The following GSE1 variants were observed in gnomAD, a reference collection of about 807,000 sequenced individuals.
The protein encoded by GSE1 is genetic suppressor element 1.
In GSE1, 32 loss-of-function variants were observed where a neutral mutation model predicts 112.6. The ratio of observed to expected loss-of-function variants is 0.28; its 90% confidence interval spans 0.21 to 0.38. GSE1 has a LOEUF of 0.38. Ranked by LOEUF, GSE1 falls within the 10% of genes least tolerant of loss-of-function variation. The pLI, the probability that GSE1 is intolerant of heterozygous loss-of-function variation, is 1.00. For missense variants in GSE1, 2,348 were observed against 1,699.2 expected (o/e 1.38, Z -6.71); for synonymous variants, 1,115 against 735.6 (o/e 1.52, Z -8.35).
intron 2 of GSE1, among the ~76,000 whole-genome samples, chr16:85,451,186 G>A (rs2049669853): frequency 1.3e-5 from 2 of 151,218 alleles, no homozygotes; most frequent in African/African-American, 4.9e-5. Context: ...ATCATATACA[G>A]CAAAACCACC....
At chr16:85,371,533 G>A (rs2047301176) in intron 2 of GSE1, among the ~76,000 whole-genome samples, 1 of 152,176 alleles carries the variant, frequency 6.6e-6, no homozygotes, top group South Asian at 2.1e-4. Flanking sequence ...GTGCCCAGGC[G>A]CAGGCGTTAG....
intron 2 of GSE1, among the ~76,000 whole-genome samples, chr16:85,501,071 G>T (rs2051350531): frequency 1.5e-5 from 2 of 136,320 alleles, no homozygotes; most frequent in African/African-American, 2.8e-5. Flanking sequence ...CACGATCTCG[G>T]CTCACTGCAA....
At chr16:85,629,822 G>A (rs943080530) in intron 1 of GSE1, among the ~76,000 whole-genome samples, 2 of 152,192 alleles carry the variant, frequency 1.3e-5, no homozygotes, top group Non-Finnish European at 2.9e-5. Flanking sequence ...GGATTGAGGG[G>A]GCGGCCTGGA....
chr16:85,408,714 G>C (rs1224130968), intron 2 of GSE1, among the ~76,000 whole-genome samples: 1 of 62,726 alleles, frequency 1.6e-5, no homozygotes, highest in Non-Finnish European at 3.1e-5. Context: ...GTTACACTCA[G>C]GGCACCTGGA....
At chr16:85,649,446 GT>G (rs1253651344) in intron 3 of GSE1, among the ~76,000 whole-genome samples, 1 of 152,222 alleles carries the variant, frequency 6.6e-6, no homozygotes, top group Non-Finnish European at 1.5e-5. Flanking sequence ...TGGGTTTTGT[GT>G]TTCTGTCTTA....
At chr16:85,243,670 G>A (rs1417668039) in intron 1 of GSE1, among the ~76,000 whole-genome samples, 2 of 152,204 alleles carry the variant, frequency 1.3e-5, no homozygotes, top group Admixed American at 6.5e-5. Flanking sequence ...TGTCTGGTGC[G>A]CCGTGGTTTG....
At chr16:85,627,366 C>T (rs999610983) in intron 1 of GSE1, among the ~76,000 whole-genome samples, 3 of 152,020 alleles carry the variant, frequency 2.0e-5, no homozygotes, top group Non-Finnish European at 4.4e-5. Context: ...TGGGTTCTTT[C>T]TGAAAGGGTC....
chr16:85,563,432 GGTTGGCGCTGGTC>G (rs2045611213), intron 1 of GSE1, among the ~76,000 whole-genome samples: 1 of 152,208 alleles, frequency 6.6e-6, no homozygotes, highest in African/African-American at 2.4e-5. Context: ...CCGCAGCTGG[GGTTGGCGCTGGTC>G]GTTACCCTCA....
chr16:85,663,990 G>T (rs184699675), intron 11 of GSE1, among the ~76,000 whole-genome samples: 1 of 152,392 alleles, frequency 6.6e-6, no homozygotes, highest in East Asian at 1.9e-4. Flanking sequence ...CGCTTAGGTG[G>T]TCTGCTGGGT....
At chr16:85,376,906 ACACC>A (rs2047433175) in intron 2 of GSE1, among the ~76,000 whole-genome samples, 1 of 152,218 alleles carries the variant, frequency 6.6e-6, no homozygotes, top group Non-Finnish European at 1.5e-5. Flanking sequence ...CGCACACCGC[ACACC>A]CGGCCCCGCG....
chr16:85,467,820 A>T (rs1340077592), intron 2 of GSE1, among the ~76,000 whole-genome samples: 5 of 152,188 alleles, frequency 3.3e-5, no homozygotes, highest in African/African-American at 1.2e-4. Context: ...ACTGCCACAT[A>T]CCTGCTAGGG....
intron 2 of GSE1, chr16:85,462,983 T>C: frequency 2.6e-6 from 1 of 391,956 alleles, no homozygotes; most frequent in Non-Finnish European, 3.5e-6. Context: ...GCCCGTCTTC[T>C]GCCGCCCCGT....
chr16:85,357,982 AG>A (rs2046986566), intron 2 of GSE1, among the ~76,000 whole-genome samples: 1 of 151,940 alleles, frequency 6.6e-6, no homozygotes, highest in African/African-American at 2.4e-5. Flanking sequence ...TTGAGCCCAG[AG>A]GGGGTCGTTT....
chr16:85,249,934 T>A lies in GSE1; in HGVS notation c.2283+78127T>A, dbSNP rs114262583. Among the ~76,000 whole-genome samples, 1,447 of 152,348 alleles carry A rather than the reference T, an allele frequency of 9.5e-3. 26 individuals are homozygous for A. Among genetic ancestry groups the A allele is most frequent in the African/African-American group, 0.033 (1,371 of 41,576 alleles). Reference sequence around the variant, plus strand: ...CGGCAGGGCCGAGAGCGATGCCAGCTGGGCGCTTCTCCATGCCTCGGTTTC... The same window carrying A: ...CGGCAGGGCCGAGAGCGATGCCAGCAGGGCGCTTCTCCATGCCTCGGTTTC... On this transcript the variant is annotated intron_variant, in intron 1 of 2. Coordinates refer to the GSE1 transcript ENST00000637419.
chr16:85,419,185 T>A lies in GSE1; in HGVS notation c.2464+61542T>A, dbSNP rs1218245221. 6.6e-6 allele frequency among the ~76,000 whole-genome samples: 1 copy of A among 152,132 alleles called. No homozygotes were observed. The highest frequency in any genetic ancestry group is 1.5e-5 in the Non-Finnish European group (1 of 68,010). On this transcript the variant is annotated intron_variant, in intron 2 of 2. Coordinates refer to the GSE1 transcript ENST00000637419. The surrounding 1 kb of genome is among the most constrained non-coding windows in gnomAD (Gnocchi z 6.5). The stretch of plus-strand genomic sequence containing the variant: ...GCACCGAGCCTGGGGATTCTGACAG[T>A]CAGAGGCTGCCTTAGTCTCTGCAGG...
chr16:85,635,316 C>T (rs2049899174), intron 2 of GSE1, among the ~76,000 whole-genome samples: 1 of 152,190 alleles, frequency 6.6e-6, no homozygotes, highest in African/African-American at 2.4e-5. Flanking sequence ...CCCTCGCCTC[C>T]TGGCTCTTCC....
chr16:85,281,160 C>T (rs1038099428), intron 1 of GSE1, among the ~76,000 whole-genome samples: 2 of 152,184 alleles, frequency 1.3e-5, no homozygotes, highest in Non-Finnish European at 2.9e-5. Context: ...AGCCTTAGAG[C>T]TGGACATGAT....
intron 1 of GSE1, chr16:85,582,022 G>C (rs1271566258): frequency 6.6e-6 from 1 of 152,222 alleles, no homozygotes; most frequent in Non-Finnish European, 1.5e-5. Context: ...CAGCTACCTG[G>C]GGTGGAGTGG....
intron 2 of GSE1, among the ~76,000 whole-genome samples, chr16:85,538,310 A>G (rs2044402316): frequency 6.6e-6 from 1 of 152,244 alleles, no homozygotes; most frequent in African/African-American, 2.4e-5. Flanking sequence ...CAGTGGCTCA[A>G]CTTGTGGGGA....
Sources: allele counts gnomAD v4.1 joint callset (sites outside exome capture counted in the v4.1 genomes callset), GRCh38; gene constraint gnomAD v4.1.1; non-coding constraint Gnocchi (gnomAD v3.1); transcripts MANE v1.5; gene names NCBI Gene and HGNC (gene_info 2026-07-23, HGNC 2026-07-21).